Variants in BTAF1 observed in about 807,000 individuals in gnomAD.
BTAF1 encodes the protein B-TFIID TATA-box binding protein associated factor 1, also known as TATA-binding protein-associated factor 172.
A neutral mutation model predicts 227.1 loss-of-function variants in BTAF1; 38 were observed. The ratio of observed to expected loss-of-function variants is 0.17; its 90% confidence interval spans 0.13 to 0.22. The LOEUF is 0.22. BTAF1 is among the 10% of genes least tolerant of loss of function. BTAF1 has a pLI of 1.00. For synonymous variants in BTAF1, 742 were observed against 751.9 expected (o/e 0.99, Z 0.21); for missense variants, 1,598 against 2,204.0 (o/e 0.73, Z 5.51).
At chr10:91,943,628 T>G (rs145304389) in intron 4 of BTAF1, among the ~76,000 whole-genome samples, 6 of 152,284 alleles carry the variant, frequency 3.9e-5, no homozygotes, top group African/African-American at 7.2e-5. Flanking sequence ...ATCTAGTTAT[T>G]TTTGCAGAGA....
At chr10:92,008,048 GTTTTGTGTTT>G (rs1850048502) in intron 25 of BTAF1, 65 bp from the exon 26 acceptor site, 1 of 1,313,454 alleles carries the variant, frequency 7.6e-7, no homozygotes, top group Non-Finnish European at 1.1e-6. Flanking sequence ...CTGTGTGTTT[GTTTTGTGTTT>G]ATTTGATCTA....
chr10:91,978,492 T>G (rs1847842258), intron 14 of BTAF1, among the ~76,000 whole-genome samples: 1 of 146,656 alleles, frequency 6.8e-6, no homozygotes, highest in African/African-American at 2.4e-5. Flanking sequence ...TGTCCCTAAT[T>G]CCCTCCAGTG....
At chr10:92,007,728 A>G (rs1850025532) in intron 25 of BTAF1, among the ~76,000 whole-genome samples, 1 of 152,220 alleles carries the variant, frequency 6.6e-6, no homozygotes, top group Admixed American at 6.5e-5. Context: ...TTATTATGAA[A>G]TAGTTGAAAA....
At chr10:91,994,453 C>A in intron 22 of BTAF1, 82 bp from the exon 23 acceptor site, 1 of 983,698 alleles carries the variant, frequency 1.0e-6, no homozygotes, top group Non-Finnish European at 1.5e-6. Flanking sequence ...CCTATGCTAG[C>A]TGAAAAAGTG....
chr10:91,974,004 A>G (rs896916616), intron 14 of BTAF1, among the ~76,000 whole-genome samples: 12 of 151,838 alleles, frequency 7.9e-5, no homozygotes, highest in Admixed American at 7.9e-4. Context: ...TAAATTTTAT[A>G]CGGGGACAAA....
chr10:92,000,089 A>G (rs550728261), intron 25 of BTAF1, among the ~76,000 whole-genome samples: 1 of 152,214 alleles, frequency 6.6e-6, no homozygotes, highest in African/African-American at 2.4e-5. Context: ...CTATATGTAT[A>G]TTTTACCTCA....
intron 34 of BTAF1, 101 bp from the exon 35 acceptor site, chr10:92,024,655 T>C (rs1039693914): frequency 1.0e-6 from 1 of 989,724 alleles, no homozygotes; most frequent in African/African-American, 1.6e-5. Flanking sequence ...AGATTTCAGG[T>C]ACATTTAACC....
At chr10:91,946,273 C>T (rs569699569) in intron 4 of BTAF1, among the ~76,000 whole-genome samples, 2 of 152,212 alleles carry the variant, frequency 1.3e-5, no homozygotes, top group African/African-American at 2.4e-5. Flanking sequence ...GCAGGAGAAT[C>T]GCTTCAACCT....
At chr10:91,961,699 G>A (rs1006769346) in intron 11 of BTAF1, among the ~76,000 whole-genome samples, 2 of 152,056 alleles carry the variant, frequency 1.3e-5, no homozygotes, top group Non-Finnish European at 2.9e-5. Flanking sequence ...CACCTTATTT[G>A]TTTTTGAAAT....
chr10:91,986,621 T>C (rs151323662), intron 19 of BTAF1, among the ~76,000 whole-genome samples: 1 of 152,160 alleles, frequency 6.6e-6, no homozygotes, highest in African/African-American at 2.4e-5. Context: ...TAAGTTTTCC[T>C]TTTTGCCTCC....
At chr10:91,978,274 A>G (rs776049696) in intron 14 of BTAF1, among the ~76,000 whole-genome samples, 1 of 152,210 alleles carries the variant, frequency 6.6e-6, no homozygotes, top group Non-Finnish European at 1.5e-5. Context: ...TGTATTGGTC[A>G]TAAATATAGG....
In BTAF1 at chr10:92,028,912, T is replaced by C; in HGVS notation, c.5529T>C (p.Asn1843=). The C allele has an allele frequency of 6.3e-7, 1 of 1,586,244 alleles. No homozygotes were observed. The highest frequency in any genetic ancestry group is 8.5e-7 in the Non-Finnish European group (1 of 1,169,806). ...EQYDSEYSLE[N]FMHSLK Reference sequence around the variant, plus strand: ...ATGATTCAGAGTACAGCCTGGAAAATTTTATGCATTCTCTCAAGTAACTAT... The same window carrying C: ...ATGATTCAGAGTACAGCCTGGAAAACTTTATGCATTCTCTCAAGTAACTAT... Residue 1843 remains asparagine, a synonymous_variant, in exon 38 of 38, where the codon AAT becomes AAC. Coordinates refer to ENST00000265990, the MANE Select transcript of BTAF1 (RefSeq NM_003972.3).
At chr10:92,014,732 G>C (rs1185610358) in intron 32 of BTAF1, among the ~76,000 whole-genome samples, 1 of 152,176 alleles carries the variant, frequency 6.6e-6, no homozygotes, top group Admixed American at 6.5e-5. Flanking sequence ...TGGTCATAGA[G>C]CTAATACACA....
At chr10:92,017,128 C>T (rs1356209223) in intron 33 of BTAF1, among the ~76,000 whole-genome samples, 1 of 152,068 alleles carries the variant, frequency 6.6e-6, no homozygotes, top group Non-Finnish European at 1.5e-5. Flanking sequence ...ATGAAAAATA[C>T]TTAGGTATAT....
At chr10:92,011,795 C>G (rs969696473) in intron 30 of BTAF1, among the ~76,000 whole-genome samples, 2 of 152,128 alleles carry the variant, frequency 1.3e-5, no homozygotes, top group East Asian at 1.9e-4. Context: ...AGTGTGAATA[C>G]CTGATGTCAG....
intron 1 of BTAF1, among the ~76,000 whole-genome samples, chr10:91,932,224 G>C (rs1378120060): frequency 6.6e-6 from 1 of 152,110 alleles, no homozygotes; most frequent in Non-Finnish European, 1.5e-5. Context: ...ATTATTGAAG[G>C]AATACAGTGC....
At position 91,976,443 on chromosome 10, in the gene BTAF1, A is replaced by G. The variant is rs180919029; in HGVS notation, c.1651-4011A>G. ...GAGGTGGGGAGCAGGAGGCAGTCTG[A>G]AATTTTTTAGCCCTCTAATCACATA... On this transcript the variant is annotated intron_variant, in intron 14 of 37. Transcript: ENST00000265990. Among the ~76,000 whole-genome samples the G allele has an allele frequency of 1.8e-4, 27 of 152,254 alleles. No homozygotes were observed. The East Asian group carries it at 4.6e-3, about 26-fold the overall frequency.
At chr10:92,024,622 C>G in intron 34 of BTAF1, 134 bp from the exon 35 acceptor site, 1 of 736,814 alleles carries the variant, frequency 1.4e-6, no homozygotes, top group Non-Finnish European at 2.2e-6. Flanking sequence ...CAGATTGCAG[C>G]CCAAAGTGCT....
chr10:91,954,089 T>C (rs1845935021), intron 6 of BTAF1, among the ~76,000 whole-genome samples: 1 of 152,164 alleles, frequency 6.6e-6, no homozygotes, highest in African/African-American at 2.4e-5. Context: ...CTACTAATTA[T>C]CAGTTTTGAA....
Sources: allele counts gnomAD v4.1 joint callset (sites outside exome capture counted in the v4.1 genomes callset), GRCh38; gene constraint gnomAD v4.1.1; transcripts MANE v1.5; gene names NCBI Gene and HGNC (gene_info 2026-07-23, HGNC 2026-07-21).